Variants in CEP192 observed in about 807,000 individuals in gnomAD.
CEP192 encodes the protein centrosomal protein 192.
A neutral mutation model predicts 271.8 loss-of-function variants in CEP192; 151 were observed. That is an observed-to-expected ratio of 0.56 (90% CI 0.49 to 0.64). CEP192 has a LOEUF of 0.64. Among genes scored for constraint, CEP192 ranks in the 30% least tolerant of loss-of-function variants. The pLI is 0.00. For missense variants in CEP192, 2,910 were observed against 3,020.5 expected, an observed-to-expected ratio of 0.96 and a Z score of 0.86; for synonymous variants, 995 against 1,076.5, an observed-to-expected ratio of 0.92 and a Z score of 1.48.
Position 13,079,457 on chromosome 18 carries a change from A to G in CEP192, c.5616+6272A>G, listed in dbSNP as rs183629542. Among the ~76,000 whole-genome samples, 464 of 152,156 alleles carry G rather than the reference A, an allele frequency of 3.0e-3. 6 individuals are homozygous for G. The East Asian group carries it at 0.037, about 12-fold the overall frequency. ...CTTCTTTTGAGAAGTGTCTGTTCATATCCTTTGCCCACTTTTTGATGGGGT... is the reference window on the plus strand; with the variant it reads ...CTTCTTTTGAGAAGTGTCTGTTCATGTCCTTTGCCCACTTTTTGATGGGGT... On this transcript the variant is annotated intron_variant, in intron 30 of 44. Transcript: ENST00000506447.
chr18:13,026,167 A>G (rs544328141), intron 9 of CEP192, among the ~76,000 whole-genome samples: 1 of 152,304 alleles, frequency 6.6e-6, no homozygotes, highest in South Asian at 2.1e-4. Flanking sequence ...TCAACTCTTT[A>G]AAGTAGTTTA....
rs372137586 is a variant in CEP192, at chr18:13,105,044, A to C, written c.7012A>C (p.Ile2338Leu). 1.2e-6 allele frequency: 2 copies of C among 1,613,980 alleles called. No homozygotes were observed. The highest frequency in any genetic ancestry group is 1.3e-5 in the African/African-American group (1 of 75,010). The change falls in exon 40 of 45, where the codon ATT becomes CTT. Residue 2338 changes from isoleucine to leucine, a missense_variant. Coordinates refer to ENST00000506447, the MANE Select transcript of CEP192 (RefSeq NM_032142.4). ...CTATGCAGCATTCAGATGTTCTCCT[A>C]TTTCTGGTCTGCTGGAAAGCCATGG... Reference protein sequence around the residue: ...ATYAAFRCSPISGLLESHGIQ... With the variant: ...ATYAAFRCSPLSGLLESHGIQ...
Position 13,072,676 on chromosome 18 carries a change from G to C in CEP192, c.5349-79G>C, listed in dbSNP as rs529077292. On this transcript the variant is annotated intron_variant, in intron 28 of 44. Coordinates refer to ENST00000506447, the MANE Select transcript of CEP192 (RefSeq NM_032142.4). ...AGTCCATCTCTAGACATTGTGGTTG[G>C]TTTTAATTGGCTTTATTCTTATAAT... 161 of 993,442 alleles carry C rather than the reference G, an allele frequency of 1.6e-4. No homozygotes were observed. The South Asian group carries it at 2.1e-3, about 13-fold the overall frequency. 61.5% of individuals were successfully genotyped at this position (993,442 alleles called of 1,614,324 possible).
intron 12 of CEP192, 28 bp from the exon 13 acceptor site, chr18:13,038,342 A>G (rs1435511329): frequency 1.3e-6 from 2 of 1,521,338 alleles, no homozygotes; most frequent in South Asian, 1.2e-5. Flanking sequence ...GCTGGGGGAA[A>G]GAAACGAAAC....
intron 42 of CEP192, among the ~76,000 whole-genome samples, chr18:13,114,731 C>T (rs542203280): frequency 7.9e-5 from 12 of 152,284 alleles, no homozygotes; most frequent in East Asian, 1.9e-4. Context: ...CATACATTTT[C>T]GTTACTTTTT....
At chr18:13,039,659 C>A (rs1042194897) in intron 13 of CEP192, among the ~76,000 whole-genome samples, 5 of 151,992 alleles carry the variant, frequency 3.3e-5, no homozygotes, top group African/African-American at 1.2e-4. Context: ...TTCCAGGGGC[C>A]AAATCATGAG....
chr18:13,017,147 A>G, intron 6 of CEP192, 41 bp from the exon 7 acceptor site: 1 of 1,470,922 alleles, frequency 6.8e-7, no homozygotes, highest in Non-Finnish European at 9.2e-7. Flanking sequence ...CTTAGTCACT[A>G]CTTTAAAGCA....
chr18:13,123,587 G>T (rs1490815603), intron 44 of CEP192, among the ~76,000 whole-genome samples: 1 of 152,116 alleles, frequency 6.6e-6, no homozygotes, highest in African/African-American at 2.4e-5. Flanking sequence ...ACGAGACTAA[G>T]GGGTGAAGTA....
chr18:13,003,735 G>A (rs1407109841), intron 3 of CEP192, among the ~76,000 whole-genome samples: 2 of 152,172 alleles, frequency 1.3e-5, no homozygotes, highest in African/African-American at 4.8e-5. Context: ...AGGAGATCCA[G>A]GCTGCAGTGT....
chr18:13,059,173 C>T lies in CEP192; in HGVS notation c.4349C>T (p.Pro1450Leu), dbSNP rs777082495. ...GAAGAGATAAAAGTGCTTTTTATAC[C>T]ATCCAGTCCTGGGGTTTTCAGATGC... ...ATEEIKVLFI[P>L]SSPGVFRCTF... The change falls in exon 21 of 45, where the codon CCA becomes CTA. Residue 1450 changes from proline (P) to leucine (L), a missense_variant. By Grantham distance (98) the Pro-to-Leu change is moderately conservative. Coordinates refer to ENST00000506447, the MANE Select transcript of CEP192 (RefSeq NM_032142.4). 25 of 1,613,840 alleles carry T rather than the reference C, an allele frequency of 1.5e-5. No homozygotes were observed. The highest frequency in any genetic ancestry group is 1.9e-5 in the Non-Finnish European group (23 of 1,179,892).
intron 17 of CEP192, among the ~76,000 whole-genome samples, chr18:13,052,094 G>A (rs1268082863): frequency 6.6e-6 from 1 of 152,152 alleles, no homozygotes; most frequent in Non-Finnish European, 1.5e-5. Flanking sequence ...GGTGCAGTCC[G>A]TTTCCTGCTC....
At chr18:13,028,799 T>C (rs1017063740) in intron 9 of CEP192, among the ~76,000 whole-genome samples, 2 of 152,162 alleles carry the variant, frequency 1.3e-5, no homozygotes, top group African/African-American at 4.8e-5. Context: ...GGATTACAGG[T>C]GTGAGCTACT....
At position 13,053,600 on chromosome 18, in the gene CEP192, G is replaced by C. The variant is rs552240076; in HGVS notation, c.3189+510G>C. ...GGAGAAGTGTATGAGGCTAGAAGAG[G>C]GGGGACCAAACCGGGAAGGGTGCTG... On this transcript the variant is annotated intron_variant, in intron 18 of 44. Coordinates refer to ENST00000506447, the MANE Select transcript of CEP192 (RefSeq NM_032142.4). 1.1e-3 allele frequency among the ~76,000 whole-genome samples: 160 copies of C among 152,288 alleles called. No individual in the cohort carries two copies. In the Middle Eastern group the frequency reaches 0.014, roughly 13 times the overall value.
Position 13,062,559 on chromosome 18 carries a change from T to C in CEP192, c.4488+3247T>C, listed in dbSNP as rs979272278. Among the ~76,000 whole-genome samples, 8 of 151,270 alleles carry C rather than the reference T, an allele frequency of 5.3e-5. 1 individual carries two copies. The highest frequency in any genetic ancestry group is 1.2e-4 in the Non-Finnish European group (8 of 67,902). ...TTTTTTTAATCATTCTGGAGTGGTA[T>C]GGAATTTTTTTTAATTTAAAATTTT... On this transcript the variant is annotated intron_variant, in intron 21 of 44. Coordinates refer to ENST00000506447, the MANE Select transcript of CEP192 (RefSeq NM_032142.4).
chr18:13,015,533 CT>C, intron 6 of CEP192, 85 bp downstream of exon 6: 2 of 1,430,128 alleles, frequency 1.4e-6, no homozygotes, highest in Non-Finnish European at 9.4e-7. Flanking sequence ...ATGATGCCAA[CT>C]TTTTGGGTTT....
At chr18:13,118,832 GT>G (rs1166494167) in intron 44 of CEP192, among the ~76,000 whole-genome samples, 3 of 152,162 alleles carry the variant, frequency 2.0e-5, no homozygotes, top group African/African-American at 7.2e-5. Flanking sequence ...AATCTCCCCT[GT>G]AGGTGACCTT....
chr18:13,086,635 C>G (rs576135585), intron 30 of CEP192, among the ~76,000 whole-genome samples: 1 of 152,192 alleles, frequency 6.6e-6, no homozygotes, highest in African/African-American at 2.4e-5. Flanking sequence ...ATTTGGCCAC[C>G]TTGCCAGCCA....
intron 38 of CEP192, among the ~76,000 whole-genome samples, chr18:13,102,195 C>T (rs1215321881): frequency 6.6e-6 from 1 of 152,156 alleles, no homozygotes; most frequent in African/African-American, 2.4e-5. Flanking sequence ...CCTGCTCCTG[C>T]TGTCACTCTT....
At position 13,113,661 on chromosome 18, in the gene CEP192, G is replaced by A; in HGVS notation, c.7123G>A (p.Glu2375Lys). The change falls in exon 41 of 45, where the codon GAG becomes AAG. Residue 2375 changes from glutamate (E) to lysine (K), a missense_variant. Physicochemically the swap from Glu to Lys is moderately conservative, Grantham distance 56 (BLOSUM62 1). Transcript: ENST00000506447. Reference protein sequence around the residue: ...FWDVECHPLKEPHMKHTLRFQ... With the variant: ...FWDVECHPLKKPHMKHTLRFQ... ...GGATGTTGAATGTCACCCTCTTAAG[G>A]AGCCTCACATGAAACACACGTTGAG... 3.1e-6 allele frequency: 5 copies of A among 1,613,558 alleles called. No homozygotes were observed. The highest frequency in any genetic ancestry group is 4.2e-6 in the Non-Finnish European group (5 of 1,179,622).
Sources: gnomAD v4.1 joint callset for allele counts (sites outside exome capture counted in the v4.1 genomes callset) on GRCh38, gnomAD v4.1.1 for gene constraint, MANE v1.5 for transcripts, NCBI Gene and HGNC (gene_info 2026-07-23, HGNC 2026-07-21) for gene names.